The following MYO5A variants were observed in gnomAD, a reference collection of about 807,000 sequenced individuals.
The protein encoded by MYO5A is myosin VA.
In MYO5A, 98 loss-of-function variants were observed where a neutral mutation model predicts 249.7. The observed-to-expected ratio is 0.39, with a 90% CI of 0.33 to 0.46. MYO5A has a LOEUF of 0.46. Ranked by LOEUF, MYO5A falls within the 20% of genes least tolerant of loss-of-function variation. The pLI is 0.98. For synonymous variants in MYO5A, 778 were observed against 810.6 expected (o/e 0.96, Z 0.68); for missense variants, 1,696 against 2,308.8 (o/e 0.73, Z 5.44).
chr15:52,411,391 T>C lies in MYO5A; in HGVS notation c.613-915A>G, dbSNP rs559705954. Among the ~76,000 whole-genome samples, 36 of 152,350 alleles carry C rather than the reference T, an allele frequency of 2.4e-4. 1 individual carries two copies. In the South Asian group the frequency reaches 6.2e-3, roughly 26 times the overall value. On this transcript the variant is annotated intron_variant, in intron 5 of 41. Transcript: ENST00000399233. ...AGTAAAATTTGGCTTTGGATTTTGA[T>C]AGTTAAATCTAGCTTACAAAATATC...
intron 1 of MYO5A, chr15:52,435,536 C>T: frequency 2.5e-6 from 1 of 407,998 alleles, no homozygotes; most frequent in Non-Finnish European, 4.8e-6. Flanking sequence ...CTTGGCCTCT[C>T]AAGGTGCTGG....
chr15:52,507,480 ATAGTG>A lies in MYO5A; in HGVS notation c.27+21295_27+21299del, dbSNP rs1381478400. Among the ~76,000 whole-genome samples the A allele has an allele frequency of 2.0e-5, 3 of 152,212 alleles. No homozygotes were observed. In the East Asian group the frequency reaches 5.8e-4, roughly 29 times the overall value. ...TAACTAGAATGAAGGGAAAATTTTA[ATAGTG>A]TACATAGCTGATGTCCTAAAACGTT... On this transcript the variant is annotated intron_variant, in intron 1 of 41. Coordinates refer to ENST00000399233, the MANE Select transcript of MYO5A (RefSeq NM_001382347.1).
At chr15:52,339,961 C>T (rs758809431) in intron 32 of MYO5A, among the ~76,000 whole-genome samples, 51 of 152,180 alleles carry the variant, frequency 3.4e-4, no homozygotes, top group Non-Finnish European at 6.0e-4. Context: ...TGGTTGTCTG[C>T]CTCCAGGGCA....
chr15:52,492,427 G>A (rs1309234949), intron 1 of MYO5A, among the ~76,000 whole-genome samples: 2 of 152,206 alleles, frequency 1.3e-5, no homozygotes, highest in African/African-American at 2.4e-5. Flanking sequence ...TACCAGAGAG[G>A]CTCATTAGGG....
At chr15:52,353,681 T>C (rs760716267) in intron 26 of MYO5A, 23 bp from the exon 27 acceptor site, 2 of 1,607,156 alleles carry the variant, frequency 1.2e-6, no homozygotes, top group Non-Finnish European at 1.7e-6. Flanking sequence ...TAAAGTTTTA[T>C]ATTTTAATTG....
At chr15:52,483,202 T>C (rs145465089) in intron 1 of MYO5A, among the ~76,000 whole-genome samples, 6 of 152,324 alleles carry the variant, frequency 3.9e-5, no homozygotes, top group African/African-American at 1.4e-4. Flanking sequence ...GACACCTAAA[T>C]GGCTCACTTA....
At chr15:52,409,897 C>T (rs2043176012) in intron 6 of MYO5A, among the ~76,000 whole-genome samples, 1 of 151,898 alleles carries the variant, frequency 6.6e-6, no homozygotes, top group Admixed American at 6.6e-5. Context: ...TTTTTTAACC[C>T]TCACTATTCT....
In MYO5A at chr15:52,343,206, C is replaced by T. The variant is rs1486307248; in HGVS notation, c.3960-9G>A. On this transcript the variant is annotated splice_polypyrimidine_tract_variant and intron_variant, in intron 30 of 41. Coordinates refer to ENST00000399233, the MANE Select transcript of MYO5A (RefSeq NM_001382347.1). The stretch of plus-strand genomic sequence containing the variant: ...AATCCAGAGCAGATGATCTTCCATG[C>T]AAAAGGAACAACAATGCAAAACACA... 1.2e-6 allele frequency: 2 copies of T among 1,608,842 alleles called. No homozygotes were observed. Among genetic ancestry groups the T allele is most frequent in the East Asian group, 2.2e-5 (1 of 44,854 alleles).
chr15:52,442,474 G>C, intron 1 of MYO5A, among the ~76,000 whole-genome samples: 1 of 152,308 alleles, frequency 6.6e-6, no homozygotes, highest in South Asian at 2.1e-4. Context: ...TGCTGCCGAG[G>C]AGCTGAATGA....
At position 52,459,146 on chromosome 15, in the gene MYO5A, AAT is replaced by A. The variant is rs1491441664; in HGVS notation, c.28-25863_28-25862del. On this transcript the variant is annotated intron_variant, in intron 1 of 41. Coordinates refer to ENST00000399233, the MANE Select transcript of MYO5A (RefSeq NM_001382347.1). ...TCCTGAGTAGCTGGGATTTTCCAGAAATTTTTTTTTTTTTTTTTTTTTTTTTT... is the reference window on the plus strand; with the variant it reads ...TCCTGAGTAGCTGGGATTTTCCAGAATTTTTTTTTTTTTTTTTTTTTTTTT... 1.0e-3 allele frequency among the ~76,000 whole-genome samples: 50 copies of A among 49,096 alleles called. 2 individuals carry two copies. In the East Asian group the frequency reaches 0.02, roughly 20 times the overall value. 32.2% of individuals were successfully genotyped at this position (49,096 alleles called of 152,430 possible). A position where few individuals can be genotyped will look rare whatever the true frequency, so the allele number is the denominator to read the frequency against.
chr15:52,449,305 TA>T (rs1419487528), intron 1 of MYO5A, among the ~76,000 whole-genome samples: 1 of 152,134 alleles, frequency 6.6e-6, no homozygotes, highest in Admixed American at 6.5e-5. Flanking sequence ...GAATGGACTG[TA>T]ATACAGAATG....
chr15:52,387,816 T>A lies in MYO5A; in HGVS notation c.1752+13A>T. 1 of 1,553,308 alleles carries A rather than the reference T, an allele frequency of 6.4e-7. No individual in the cohort carries two copies. Among genetic ancestry groups the A allele is most frequent in the Non-Finnish European group, 8.9e-7 (1 of 1,125,116 alleles). ...CATACATCCTGGATTAGAGTAAGCC[T>A]ATCCATAGTTACCTTGCTTGATTTA... On this transcript the variant is annotated intron_variant, in intron 14 of 41. Transcript: ENST00000399233.
At chr15:52,466,949 G>A (rs1006240230) in intron 1 of MYO5A, among the ~76,000 whole-genome samples, 4 of 152,200 alleles carry the variant, frequency 2.6e-5, no homozygotes, top group Admixed American at 6.5e-5. Context: ...TCTGCTCACT[G>A]CCTGGTACGC....
chr15:52,423,356 AC>A (rs1366835502), intron 4 of MYO5A, among the ~76,000 whole-genome samples: 2 of 151,864 alleles, frequency 1.3e-5, no homozygotes, highest in Non-Finnish European at 2.9e-5. Context: ...ATAGAGACCA[AC>A]CTGGCTAACA....
At chr15:52,445,169 A>C (rs1292266154) in intron 1 of MYO5A, among the ~76,000 whole-genome samples, 1 of 152,190 alleles carries the variant, frequency 6.6e-6, no homozygotes. Context: ...TATTTGAATC[A>C]TGTGGGCAGA....
chr15:52,483,534 A>G (rs1403169871), intron 1 of MYO5A, among the ~76,000 whole-genome samples: 2 of 148,888 alleles, frequency 1.3e-5, no homozygotes, highest in African/African-American at 2.4e-5. Context: ...AAAAACAACA[A>G]CAACAACAAA....
At chr15:52,470,587 T>C (rs372439816) in intron 1 of MYO5A, among the ~76,000 whole-genome samples, 3 of 150,546 alleles carry the variant, frequency 2.0e-5, no homozygotes, top group Admixed American at 6.6e-5. Context: ...GAGGTGGAGG[T>C]TGTGGTGAGC....
intron 1 of MYO5A, among the ~76,000 whole-genome samples, chr15:52,507,220 A>G (rs2141604995): frequency 6.6e-6 from 1 of 152,362 alleles, no homozygotes; most frequent in Non-Finnish European, 1.5e-5. Flanking sequence ...TTTATGACAC[A>G]TGTCTATATT....
chr15:52,425,101 T>A (rs901910425), intron 4 of MYO5A, among the ~76,000 whole-genome samples: 2 of 152,050 alleles, frequency 1.3e-5, no homozygotes, highest in African/African-American at 4.8e-5. Flanking sequence ...AAGAAAAAAA[T>A]TTCACACTTT....
Sources: gnomAD v4.1 joint callset for allele counts (sites outside exome capture counted in the v4.1 genomes callset) on GRCh38, gnomAD v4.1.1 for gene constraint, MANE v1.5 for transcripts, NCBI Gene and HGNC (gene_info 2026-07-23, HGNC 2026-07-21) for gene names.